WDR64: variants seen among roughly 807,000 people sequenced by gnomAD.
WDR64 encodes the protein WD repeat domain 64.
WDR64 carries 112 observed loss-of-function variants against 139.3 expected under a neutral mutation model. That is an observed-to-expected ratio of 0.80 (90% CI 0.69 to 0.94). WDR64 has a LOEUF of 0.94. Among genes scored for constraint, WDR64 ranks in the 40% least tolerant of loss-of-function variants. The probability of loss-of-function intolerance (pLI) is 0.00; values close to 1 mark genes in which losing one functional copy is unlikely to be tolerated. For missense variants in WDR64, 1,206 were observed against 1,293.1 expected (o/e 0.93, Z 1.03); for synonymous variants, 444 against 437.7 (o/e 1.01, Z -0.18).
Position 241,738,386 on chromosome 1 carries a change from A to G in WDR64, c.1218A>G (p.Gln406=). ...AGGTTTTCCGGGTGTGGGATATACA[A>G]ACTCTTTCACTATTACAAGTCTTCC... ...SAKVFRVWDI[Q]TLSLLQVFHD... is the part of the protein sequence containing the mutation. The change falls in exon 11 of 28, where the codon CAA becomes CAG. Residue 406 remains glutamine (Q), a synonymous_variant. Coordinates refer to ENST00000437684, the MANE Select transcript of WDR64 (RefSeq NM_001367482.1). The G allele has an allele frequency of 6.2e-7, 1 of 1,613,792 alleles. No individual in the cohort carries two copies. The highest frequency in any genetic ancestry group is 8.5e-7 in the Non-Finnish European group (1 of 1,179,850).
chr1:241,660,217 C>T (rs1214331577), intron 1 of WDR64, among the ~76,000 whole-genome samples: 1 of 152,022 alleles, frequency 6.6e-6, no homozygotes, highest in Non-Finnish European at 1.5e-5. Context: ...AAAATCAGAT[C>T]GTTGTAGGTG....
chr1:241,746,521 G>A (rs1464374085), intron 13 of WDR64, among the ~76,000 whole-genome samples: 1 of 145,048 alleles, frequency 6.9e-6, no homozygotes, highest in Admixed American at 6.7e-5. Context: ...AGTGGGTGGT[G>A]TTTTAAAAAA....
chr1:241,730,276 A>G (rs1399779629), intron 10 of WDR64, among the ~76,000 whole-genome samples: 1 of 152,176 alleles, frequency 6.6e-6, no homozygotes, highest in Admixed American at 6.5e-5. Context: ...TCCTGGGAGC[A>G]AACATGCCTA....
At chr1:241,729,054 T>A (rs1044654784) in intron 10 of WDR64, among the ~76,000 whole-genome samples, 1 of 152,206 alleles carries the variant, frequency 6.6e-6, no homozygotes, top group Non-Finnish European at 1.5e-5. Context: ...CTTCAAGTCT[T>A]CTCTTCCTTA....
At chr1:241,664,034 A>G (rs550847486) in intron 2 of WDR64, among the ~76,000 whole-genome samples, 1 of 152,392 alleles carries the variant, frequency 6.6e-6, no homozygotes, top group African/African-American at 2.4e-5. Flanking sequence ...GAGAAATCAA[A>G]TGAAGGGTGA....
intron 25 of WDR64, among the ~76,000 whole-genome samples, chr1:241,793,826 A>G (rs945181561): frequency 1.3e-5 from 2 of 152,224 alleles, no homozygotes; most frequent in Non-Finnish European, 1.5e-5. Flanking sequence ...CTTTCGCCAA[A>G]GGCTCCATGT....
At chr1:241,786,998 A>G (rs1468961393) in intron 23 of WDR64, among the ~76,000 whole-genome samples, 3 of 152,160 alleles carry the variant, frequency 2.0e-5, no homozygotes, top group Non-Finnish European at 4.4e-5. Context: ...AATGGGTGTC[A>G]TAAGTACAGA....
intron 8 of WDR64, among the ~76,000 whole-genome samples, chr1:241,693,763 A>G (rs1667387751): frequency 6.6e-6 from 1 of 152,204 alleles, no homozygotes; most frequent in Non-Finnish European, 1.5e-5. Context: ...ACTTGTTGCA[A>G]CAACAACAGC....
chr1:241,793,900 A>T (rs1177544424), intron 25 of WDR64, among the ~76,000 whole-genome samples: 5 of 152,206 alleles, frequency 3.3e-5, no homozygotes, highest in Non-Finnish European at 7.3e-5. Flanking sequence ...AGAATTATTC[A>T]GCTGGGTGTG....
intron 15 of WDR64, among the ~76,000 whole-genome samples, chr1:241,758,461 C>T (rs1670296264): frequency 6.6e-6 from 1 of 152,112 alleles, no homozygotes; most frequent in Non-Finnish European, 1.5e-5. Context: ...TTTGGTTACA[C>T]TGAGGTACAG....
intron 9 of WDR64, among the ~76,000 whole-genome samples, chr1:241,715,412 C>T (rs373242691): frequency 5.3e-5 from 8 of 152,218 alleles, no homozygotes; most frequent in South Asian, 2.1e-4. Context: ...TTACTTCCAA[C>T]GGAAATGGGC....
chr1:241,666,984 C>T (rs2148066128), intron 2 of WDR64, among the ~76,000 whole-genome samples: 1 of 152,264 alleles, frequency 6.6e-6, no homozygotes, highest in Non-Finnish European at 1.5e-5. Context: ...TTGCATAGGA[C>T]ATTGCTCCTG....
chr1:241,676,192 T>G (rs1666548419), intron 4 of WDR64: 1 of 152,196 alleles, frequency 6.6e-6, no homozygotes, highest in African/African-American at 2.4e-5. Context: ...CAGTGAGGGA[T>G]GCAGAGTGTG....
chr1:241,730,840 C>T (rs1052261080), intron 10 of WDR64, among the ~76,000 whole-genome samples: 3 of 152,086 alleles, frequency 2.0e-5, no homozygotes, highest in African/African-American at 7.2e-5. Flanking sequence ...GATGACCAAA[C>T]CTAGGAATGA....
rs1366262271 is a variant in WDR64, at chr1:241,795,286, G to A, written c.3077G>A (p.Ser1026Asn). The change falls in exon 26 of 28, where the codon AGT (serine) becomes AAT (asparagine). Residue 1026 changes from serine (S) to asparagine (N), a missense_variant and splice_region_variant. Transcript: ENST00000437684. ...GTTTTCGGCTCTCTGCCTATATACA[G>A]TGTGAGTTGGAGTTTCTAGGAGTAG... Reference protein sequence around the residue: ...GIVFGSLPIYSISSPTSLRFL... With the variant: ...GIVFGSLPIYNISSPTSLRFL... 6.2e-7 allele frequency: 1 copy of A among 1,611,422 alleles called. No individual in the cohort carries two copies. The highest frequency in any genetic ancestry group is 8.5e-7 in the Non-Finnish European group (1 of 1,178,578).
intron 9 of WDR64, among the ~76,000 whole-genome samples, chr1:241,712,739 G>A (rs971938478): frequency 2.0e-5 from 3 of 152,158 alleles, no homozygotes; most frequent in Non-Finnish European, 2.9e-5. Flanking sequence ...AGCACTTTGG[G>A]AGGCCGAGGC....
At chr1:241,768,626 A>C (rs1658282210) in intron 16 of WDR64, among the ~76,000 whole-genome samples, 1 of 152,258 alleles carries the variant, frequency 6.6e-6, no homozygotes, top group African/African-American at 2.4e-5. Context: ...TTCACTTTCC[A>C]GGAGGCCCCT....
intron 2 of WDR64, among the ~76,000 whole-genome samples, chr1:241,664,833 G>C (rs1052993432): frequency 2.6e-5 from 4 of 152,146 alleles, no homozygotes; most frequent in African/African-American, 7.2e-5. Flanking sequence ...CTTATCTAAA[G>C]CTGGACAGAA....
intron 27 of WDR64, among the ~76,000 whole-genome samples, chr1:241,797,188 C>A (rs951098): frequency 6.6e-6 from 1 of 151,988 alleles, no homozygotes; most frequent in South Asian, 2.1e-4. Flanking sequence ...ATATTAGACT[C>A]TCTTAGAGCT....
Sources: allele counts gnomAD v4.1 joint callset (sites outside exome capture counted in the v4.1 genomes callset), GRCh38; gene constraint gnomAD v4.1.1; transcripts MANE v1.5; gene names NCBI Gene and HGNC (gene_info 2026-07-23, HGNC 2026-07-21).